The following MRPL37 variants were observed in gnomAD, a reference collection of about 807,000 sequenced individuals.
The protein encoded by MRPL37 is mitochondrial ribosomal protein L37, also known as large ribosomal subunit protein mL37.
Under a neutral mutation model 44.1 loss-of-function variants are expected in MRPL37, and 34 were observed. That is an observed-to-expected ratio of 0.77 (90% CI 0.59 to 1.03). The LOEUF (loss-of-function observed/expected upper bound fraction) is 1.03, where lower values mean the gene tolerates loss of function less well. Ranked by LOEUF, MRPL37 falls within the 50% of genes least tolerant of loss-of-function variation. MRPL37 has a pLI of 0.00. For missense variants in MRPL37, 532 were observed against 543.7 expected (o/e 0.98, Z 0.21); for synonymous variants, 212 against 219.5 (o/e 0.97, Z 0.30).
chr1:54,223,291 T>A (rs551781804), downstream of MRPL37, among the ~76,000 whole-genome samples: 108 of 152,324 alleles, frequency 7.1e-4, no homozygotes, highest in Non-Finnish European at 1.3e-3. Flanking sequence ...GGGAGCCCCA[T>A]GGCCTGAACC....
intron 3 of MRPL37, among the ~76,000 whole-genome samples, chr1:54,207,127 G>A (rs1233346318): frequency 1.3e-5 from 2 of 152,140 alleles, no homozygotes; most frequent in Non-Finnish European, 2.9e-5. Context: ...GTGAATCCAG[G>A]CTGGGGTATC....
Position 54,209,965 on chromosome 1 carries a change from C to T in MRPL37, c.666C>T (p.Val222=). The T allele has an allele frequency of 6.2e-7, 1 of 1,614,156 alleles. No individual in the cohort carries two copies. Among genetic ancestry groups the T allele is most frequent in the Non-Finnish European group, 8.5e-7 (1 of 1,180,018 alleles). The change falls in exon 4 of 7, where the codon GTC becomes GTT. Residue 222 remains valine, a synonymous_variant. Coordinates refer to ENST00000360840, the MANE Select transcript of MRPL37 (RefSeq NM_016491.4). ...TWNRESLLLQ[V]RGSGGARLST... The stretch of plus-strand genomic sequence containing the variant: ...TTTTAGAGTCTCTTCTCCTTCAAGT[C>T]CGTGGTTCTGGTGGAGCCCGACTGA...
intron 1 of MRPL37, among the ~76,000 whole-genome samples, chr1:54,204,374 C>A (rs6680918): frequency 1.3e-5 from 2 of 151,464 alleles, no homozygotes; most frequent in Non-Finnish European, 2.9e-5. Flanking sequence ...TCAGCCTGGG[C>A]GACAGAGCGA....
In MRPL37 at chr1:54,208,454, C is replaced by T. The variant is rs1017741518; in HGVS notation, c.647-1492C>T. Among the ~76,000 whole-genome samples the T allele has an allele frequency of 2.9e-5, 4 of 139,246 alleles. 1 individual carries two copies. In the South Asian group the frequency reaches 7.1e-4, roughly 25 times the overall value. 91.4% of individuals were successfully genotyped at this position (139,246 alleles called of 152,430 possible). A position where few individuals can be genotyped will look rare whatever the true frequency, so the allele number is the denominator to read the frequency against. On this transcript the variant is annotated intron_variant, in intron 3 of 6. Transcript: ENST00000360840. ...GTCCCAGCTACTCGGGAGGCTGAGG[C>T]GGGAGAATGGCGTGAACCCGGAAGG...
At chr1:54,222,130 G>A (rs1421290359), downstream of MRPL37, among the ~76,000 whole-genome samples, 1 of 152,224 alleles carries the variant, frequency 6.6e-6, no homozygotes, top group Non-Finnish European at 1.5e-5. Flanking sequence ...AGCACCTACT[G>A]GGCACCAGGA....
intron 3 of MRPL37, among the ~76,000 whole-genome samples, chr1:54,206,267 C>A (rs1219161559): frequency 6.6e-6 from 1 of 151,710 alleles, no homozygotes; most frequent in Non-Finnish European, 1.5e-5. Context: ...CGCCCGCCAC[C>A]ACGCCCAGCT....
chr1:54,218,281 C>G lies in MRPL37; in HGVS notation c.*32C>G, dbSNP rs533397409. 1.2e-6 allele frequency: 2 copies of G among 1,614,068 alleles called. No individual in the cohort carries two copies. Among genetic ancestry groups the G allele is most frequent in the African/African-American group, 2.7e-5 (2 of 75,056 alleles). ...GACCCCTCTGAATCCTGAAACCCCTCTTGCCTCTCTTCCACGGAAGAGGGC... is the reference window on the plus strand; with the variant it reads ...GACCCCTCTGAATCCTGAAACCCCTGTTGCCTCTCTTCCACGGAAGAGGGC... On this transcript the variant is annotated 3_prime_UTR_variant, in exon 7 of 7. Coordinates refer to ENST00000360840, the MANE Select transcript of MRPL37 (RefSeq NM_016491.4).
downstream of MRPL37, among the ~76,000 whole-genome samples, chr1:54,218,694 A>C (rs1275992984): frequency 6.6e-6 from 1 of 152,198 alleles, no homozygotes; most frequent in Non-Finnish European, 1.5e-5. Flanking sequence ...AAATCTCGCT[A>C]GCATATTTAT....
chr1:54,217,760 T>G (rs1644208117), intron 6 of MRPL37, among the ~76,000 whole-genome samples: 1 of 152,162 alleles, frequency 6.6e-6, no homozygotes, highest in Non-Finnish European at 1.5e-5. Flanking sequence ...GTAAGCTCCT[T>G]GAGGACAGGA....
chr1:54,204,912 C>G lies in MRPL37; in HGVS notation c.347-106C>G, dbSNP rs1644109643. ...AGGTGTCACAGAACAAATCCAGTTT[C>G]TCACTTGAGGCAGCCTTTTTACTAA... On this transcript the variant is annotated intron_variant, in intron 1 of 6. Transcript: ENST00000360840. The G allele has an allele frequency of 2.3e-6, 3 of 1,302,890 alleles. No individual in the cohort carries two copies. The South Asian group carries it at 4.5e-5, about 19-fold the overall frequency. The allele number at this position is 1,302,890 out of a possible 1,614,324, so 80.7% of individuals were successfully genotyped here.
downstream of MRPL37, chr1:54,218,457 C>A: frequency 7.9e-7 from 1 of 1,269,814 alleles, no homozygotes; most frequent in Non-Finnish European, 1.1e-6. Context: ...TGACCTGCCC[C>A]AGCTGAAGCC....
downstream of MRPL37, chr1:54,220,601 C>G (rs41309151): frequency 4.3e-6 from 2 of 469,164 alleles, no homozygotes; most frequent in Admixed American, 4.7e-5. Context: ...GACAGCTGCC[C>G]CCTCCACAGA....
downstream of MRPL37, among the ~76,000 whole-genome samples, chr1:54,224,966 G>GCCC (rs3215994): frequency 0.49 from 73,861 of 151,234 alleles, 18,377 homozygotes; most frequent in East Asian, 0.6. Context: ...ACCTCCCTGT[G>GCCC]CCAACAGTCG....
chr1:54,220,352 G>A (rs776778120), downstream of MRPL37, among the ~76,000 whole-genome samples: 1 of 152,172 alleles, frequency 6.6e-6, no homozygotes, highest in Admixed American at 6.5e-5. Flanking sequence ...GGGCAGGCCT[G>A]GGCAGCCTGT....
intron 6 of MRPL37, among the ~76,000 whole-genome samples, chr1:54,216,638 T>C (rs994428453): frequency 2.0e-5 from 3 of 152,214 alleles, no homozygotes; most frequent in African/African-American, 7.2e-5. Flanking sequence ...CTGCTCCTTT[T>C]GTCTGGGAGG....
chr1:54,212,551 G>T lies in MRPL37; in HGVS notation c.883G>T (p.Asp295Tyr). The change falls in exon 5 of 7, where the codon GAC (aspartate) becomes TAC (tyrosine). Residue 295 changes from aspartate to tyrosine, a missense_variant. Coordinates refer to ENST00000360840, the MANE Select transcript of MRPL37 (RefSeq NM_016491.4). ...YPYPHTLYLL[D>Y]KANLRPHRLQ... is the part of the protein sequence containing the mutation. ...CTATCCCCATACCCTGTACTTACTG[G>T]ACAAAGCCAATTTACGACCACACCG... 1 of 1,614,122 alleles carries T rather than the reference G, an allele frequency of 6.2e-7. No individual in the cohort carries two copies. Among genetic ancestry groups the T allele is most frequent in the South Asian group, 1.1e-5 (1 of 91,072 alleles).
downstream of MRPL37, among the ~76,000 whole-genome samples, chr1:54,221,386 C>T (rs1644232494): frequency 6.6e-6 from 1 of 152,180 alleles, no homozygotes; most frequent in Non-Finnish European, 1.5e-5. Context: ...TGTCTTGACT[C>T]TCTCTTTAAC....
At chr1:54,201,858 A>G (rs1644086136) in intron 1 of MRPL37, among the ~76,000 whole-genome samples, 1 of 152,110 alleles carries the variant, frequency 6.6e-6, no homozygotes, top group African/African-American at 2.4e-5. Context: ...ATTATCACCT[A>G]TTTTTCATAT....
At chr1:54,208,359 G>T (rs1316546338) in intron 3 of MRPL37, among the ~76,000 whole-genome samples, 1 of 151,890 alleles carries the variant, frequency 6.6e-6, no homozygotes, top group East Asian at 1.9e-4. Context: ...TGGCTATCAC[G>T]GTGAAACCCG....
Sources: gnomAD v4.1 joint callset for allele counts (sites outside exome capture counted in the v4.1 genomes callset) on GRCh38, gnomAD v4.1.1 for gene constraint, MANE v1.5 for transcripts, NCBI Gene and HGNC (gene_info 2026-07-23, HGNC 2026-07-21) for gene names.